ATG7: variants seen among roughly 807,000 people sequenced by gnomAD.
ATG7 encodes the protein autophagy related 7.
Under a neutral mutation model 82.4 loss-of-function variants are expected in ATG7, and 70 were observed. That is an observed-to-expected ratio of 0.85 (90% CI 0.70 to 1.04). The LOEUF (loss-of-function observed/expected upper bound fraction) is 1.04, where lower values mean the gene tolerates loss of function less well. Ranked by LOEUF, ATG7 falls within the 50% of genes least tolerant of loss-of-function variation. The probability of loss-of-function intolerance (pLI) is 0.00; values close to 1 mark genes in which losing one functional copy is unlikely to be tolerated. For synonymous variants in ATG7, 287 were observed against 313.0 expected (o/e 0.92, Z 0.88); for missense variants, 792 against 864.3 (o/e 0.92, Z 1.05).
intron 20 of ATG7, among the ~76,000 whole-genome samples, chr3:11,493,019 C>T (rs897986513): frequency 2.6e-5 from 4 of 152,236 alleles, no homozygotes; most frequent in Non-Finnish European, 4.4e-5. Context: ...CCAGCAAGGG[C>T]AAAGGGCCAG....
chr3:11,443,413 T>C (rs576860213), intron 20 of ATG7, among the ~76,000 whole-genome samples: 77 of 152,262 alleles, frequency 5.1e-4, no homozygotes, highest in African/African-American at 1.8e-3. Flanking sequence ...TGAGACAGGG[T>C]CTCACCTTGT....
At chr3:11,421,362 A>G (rs904181464) in intron 19 of ATG7, among the ~76,000 whole-genome samples, 1 of 152,244 alleles carries the variant, frequency 6.6e-6, no homozygotes, top group African/African-American at 2.4e-5. Context: ...CTTTATCAAC[A>G]TGATGTTCTA....
intron 19 of ATG7, among the ~76,000 whole-genome samples, chr3:11,417,520 G>A (rs909580309): frequency 2.0e-5 from 3 of 151,906 alleles, no homozygotes; most frequent in African/African-American, 7.2e-5. Context: ...TTAGCATGGC[G>A]TATTTTTTTC....
At chr3:11,566,997 C>G in the ATG7 span, among the ~76,000 whole-genome samples, 19 of 152,252 alleles carry the variant, frequency 1.2e-4, no homozygotes, top group African/African-American at 4.3e-4. Context: ...GAGGAGTCAA[C>G]TGGAGGCGCA....
At chr3:11,519,701 A>G (rs776044554) in intron 20 of ATG7, among the ~76,000 whole-genome samples, 15 of 151,128 alleles carry the variant, frequency 9.9e-5, no homozygotes, top group Non-Finnish European at 1.8e-4. Context: ...CTGGGACCAC[A>G]GGCGCCCGTC....
intron 8 of ATG7, among the ~76,000 whole-genome samples, chr3:11,314,350 A>G (rs1263247439): frequency 2.0e-5 from 3 of 152,158 alleles, no homozygotes; most frequent in Non-Finnish European, 4.4e-5. Flanking sequence ...CTGAATACTG[A>G]TGCCATCATT....
chr3:11,365,707 C>T (rs1456195149), intron 18 of ATG7, among the ~76,000 whole-genome samples: 2 of 152,038 alleles, frequency 1.3e-5, no homozygotes, highest in African/African-American at 2.4e-5. Context: ...CCAGCTAGGG[C>T]GGCACTGTCA....
At chr3:11,464,444 A>C (rs2086637191) in intron 20 of ATG7, among the ~76,000 whole-genome samples, 1 of 152,348 alleles carries the variant, frequency 6.6e-6, no homozygotes, top group Middle Eastern at 3.4e-3. Flanking sequence ...GGAATGTCCC[A>C]GTTGGTTAAC....
chr3:11,571,163 C>T, the ATG7 span, among the ~76,000 whole-genome samples: 3 of 152,196 alleles, frequency 2.0e-5, no homozygotes, highest in Non-Finnish European at 4.4e-5. Flanking sequence ...CAGAGATGAC[C>T]CTGAGGCTCC....
chr3:11,565,597 T>C, the ATG7 span, among the ~76,000 whole-genome samples: 1 of 152,146 alleles, frequency 6.6e-6, no homozygotes, highest in Non-Finnish European at 1.5e-5. The surrounding 1 kb of genome is among the most constrained non-coding windows in gnomAD (Gnocchi z 4.1). Context: ...CCAGCTGACA[T>C]GTGGTGGCAC....
At chr3:11,360,214 T>G (rs1199524854) in intron 15 of ATG7, among the ~76,000 whole-genome samples, 1 of 152,118 alleles carries the variant, frequency 6.6e-6, no homozygotes, top group Non-Finnish European at 1.5e-5. Flanking sequence ...CTCGGCTAAT[T>G]TTTTGTATTT....
At chr3:11,529,921 C>G (rs1004700348) in intron 20 of ATG7, among the ~76,000 whole-genome samples, 2 of 152,202 alleles carry the variant, frequency 1.3e-5, no homozygotes, top group Non-Finnish European at 2.9e-5. Context: ...TAGCATGACC[C>G]ATCTGCACCA....
the ATG7 span, chr3:11,564,863 C>A: frequency 1.2e-5 from 19 of 1,608,912 alleles, no homozygotes; most frequent in Non-Finnish European, 1.5e-5. Flanking sequence ...CCAGGCTGTT[C>A]TTGGTCAGTG....
At chr3:11,317,334 G>T (rs1423018796) in intron 9 of ATG7, among the ~76,000 whole-genome samples, 2 of 152,172 alleles carry the variant, frequency 1.3e-5, no homozygotes, top group Non-Finnish European at 2.9e-5. Flanking sequence ...GCGACCGTAG[G>T]TCAGGTTGTA....
At chr3:11,474,326 C>T (rs923308741) in intron 20 of ATG7, among the ~76,000 whole-genome samples, 4 of 152,306 alleles carry the variant, frequency 2.6e-5, no homozygotes, top group Non-Finnish European at 4.4e-5. Context: ...GAGGCTGGTG[C>T]GGTGTTTCAC....
chr3:11,364,810 C>T lies in ATG7; in HGVS notation c.1875+76C>T, dbSNP rs960938024. ...ATGTGGGGTCTCTTTGCCATTCCAT[C>T]TGCCCAGCCCACTTCATATCCACCC... On this transcript the variant is annotated intron_variant, in intron 18 of 20. Coordinates refer to ENST00000693202, the MANE Select transcript of ATG7 (RefSeq NM_001349232.2). The T allele has an allele frequency of 7.4e-6, 11 of 1,490,348 alleles. No individual in the cohort carries two copies. In the African/African-American group the frequency reaches 1.1e-4, roughly 15 times the overall value. The allele number at this position is 1,490,348 out of a possible 1,614,324, so 92.3% of individuals were successfully genotyped here. A position where few individuals can be genotyped will look rare whatever the true frequency, so the allele number is the denominator to read the frequency against.
At chr3:11,445,826 T>A (rs2084495388) in intron 20 of ATG7, among the ~76,000 whole-genome samples, 1 of 152,224 alleles carries the variant, frequency 6.6e-6, no homozygotes, top group Non-Finnish European at 1.5e-5. Flanking sequence ...TGTCACATTT[T>A]AAAATTTTTG....
chr3:11,367,209 C>G (rs1313416778), intron 18 of ATG7, among the ~76,000 whole-genome samples: 2 of 152,084 alleles, frequency 1.3e-5, no homozygotes, highest in Non-Finnish European at 2.9e-5. Context: ...ATCGTTTCCA[C>G]GTTTCCACAA....
At chr3:11,544,949 T>C (rs2071148347) in intron 20 of ATG7, among the ~76,000 whole-genome samples, 1 of 151,956 alleles carries the variant, frequency 6.6e-6, no homozygotes, top group Admixed American at 6.6e-5. Context: ...TGACAGCAAA[T>C]TATGGTGGGG....
Sources: gnomAD v4.1 joint callset for allele counts (sites outside exome capture counted in the v4.1 genomes callset) on GRCh38, gnomAD v4.1.1 for gene constraint, Gnocchi (gnomAD v3.1) non-coding constraint, MANE v1.5 for transcripts, NCBI Gene and HGNC (gene_info 2026-07-23, HGNC 2026-07-21) for gene names.